The following ANK3 variants were observed in gnomAD, a reference collection of about 807,000 sequenced individuals.
ANK3 encodes the protein ankyrin 3.
In ANK3, 57 loss-of-function variants were observed where a neutral mutation model predicts 370.9. The observed-to-expected ratio is 0.15, with a 90% CI of 0.12 to 0.19. The LOEUF (loss-of-function observed/expected upper bound fraction) is 0.19. Ranked by LOEUF, ANK3 falls within the 10% of genes least tolerant of loss-of-function variation. The pLI, the probability that ANK3 is intolerant of heterozygous loss-of-function variation, is 1.00. For missense variants in ANK3, 4,439 were observed against 5,302.1 expected, an observed-to-expected ratio of 0.84 and a Z score of 5.06; for synonymous variants, 1,929 against 1,946.3, an observed-to-expected ratio of 0.99 and a Z score of 0.23.
At chr10:60,701,350 C>T (rs933734529) in intron 1 of ANK3, among the ~76,000 whole-genome samples, 1 of 151,836 alleles carries the variant, frequency 6.6e-6, no homozygotes, top group African/African-American at 2.4e-5. Context: ...GAGTGAAATA[C>T]TCATTTGCCC....
intron 1 of ANK3, among the ~76,000 whole-genome samples, chr10:60,366,406 T>C (rs965524643): frequency 3.3e-5 from 5 of 152,182 alleles, no homozygotes; most frequent in Non-Finnish European, 5.9e-5. Flanking sequence ...TCTCTGTTTT[T>C]ACCTTAGTGA....
intron 25 of ANK3, among the ~76,000 whole-genome samples, chr10:60,119,436 C>T (rs2093329073): frequency 6.6e-6 from 1 of 152,208 alleles, no homozygotes; most frequent in Admixed American, 6.5e-5. Flanking sequence ...AAAAACTTTG[C>T]CTCTATTTAA....
At chr10:60,443,133 T>C (rs1322322544) in intron 2 of ANK3, among the ~76,000 whole-genome samples, 1 of 152,220 alleles carries the variant, frequency 6.6e-6, no homozygotes, top group African/African-American at 2.4e-5. Flanking sequence ...TTTTCTGAGT[T>C]GACTGTTAAT....
chr10:60,212,541 G>A (rs2096873292), intron 9 of ANK3, among the ~76,000 whole-genome samples: 1 of 152,166 alleles, frequency 6.6e-6, no homozygotes, highest in South Asian at 2.1e-4. Flanking sequence ...CATCATGGCT[G>A]TTTAATTCTG....
At chr10:60,660,071 T>C (rs1452413576) in intron 1 of ANK3, among the ~76,000 whole-genome samples, 5 of 152,084 alleles carry the variant, frequency 3.3e-5, no homozygotes, top group Non-Finnish European at 7.4e-5. Flanking sequence ...CATAAGTATA[T>C]TTTTCCTTGT....
At chr10:60,698,183 A>G (rs1480020706) in intron 1 of ANK3, among the ~76,000 whole-genome samples, 2 of 151,726 alleles carry the variant, frequency 1.3e-5, no homozygotes, top group South Asian at 2.1e-4. Context: ...AGAGAAATGC[A>G]AATCAAAACC....
intron 2 of ANK3, among the ~76,000 whole-genome samples, chr10:60,509,229 G>T (rs1595172332): frequency 6.6e-6 from 1 of 151,980 alleles, no homozygotes; most frequent in Non-Finnish European, 1.5e-5. Flanking sequence ...AAATAGTGAA[G>T]CACCAAGGAC....
In ANK3 at chr10:60,290,708, T is replaced by A. The variant is rs1280470580; in HGVS notation, c.115-11069A>T. 2.6e-5 allele frequency among the ~76,000 whole-genome samples: 4 copies of A among 152,200 alleles called. No individual in the cohort carries two copies. The South Asian group carries it at 8.3e-4, about 31-fold the overall frequency. ...TAACACATGTTAGGCATGGTTAGCA[T>A]CTTTACACTGGGACCTGTGCCAGAA... On this transcript the variant is annotated intron_variant, in intron 1 of 43. Transcript: ENST00000280772.
At chr10:60,440,674 C>T (rs1023388679) in intron 2 of ANK3, among the ~76,000 whole-genome samples, 6 of 152,144 alleles carry the variant, frequency 3.9e-5, no homozygotes, top group East Asian at 1.9e-4. Flanking sequence ...GACTCCCACC[C>T]AAGGATTCAC....
At chr10:60,443,058 T>C (rs2064339336) in intron 2 of ANK3, among the ~76,000 whole-genome samples, 2 of 152,218 alleles carry the variant, frequency 1.3e-5, no homozygotes, top group Admixed American at 6.5e-5. Flanking sequence ...TGAATGCTTT[T>C]TTGGAGGAGG....
Position 60,068,988 on chromosome 10 carries a change from T to C in ANK3, c.11893A>G (p.Thr3965Ala), listed in dbSNP as rs1438020108. Residue 3965 changes from threonine (T) to alanine (A), a missense_variant, in exon 37 of 44, where the codon ACT becomes GCT. Thr to Ala is a moderately conservative substitution (Grantham distance 58). Around this residue, in one of 13 missense-constraint regions of ANK3, gnomAD observed 496 missense variants for 529.3 expected, o/e 0.94. Coordinates refer to ENST00000280772, the MANE Select transcript of ANK3 (RefSeq NM_020987.5). ...RSTCVTTTTT[T>A]ATTTTTTTTT... is the part of the protein sequence containing the mutation. ...GTGGTAGTGGTGGTGGTGGTGGCAG[T>C]GGTGGTGGTGGTAGTGACACAGGTG... 1 of 1,612,354 alleles carries C rather than the reference T, an allele frequency of 6.2e-7. No individual in the cohort carries two copies. The highest frequency in any genetic ancestry group is 2.2e-5 in the East Asian group (1 of 44,846).
chr10:60,535,006 G>A (rs1187759114), intron 2 of ANK3, among the ~76,000 whole-genome samples: 1 of 152,118 alleles, frequency 6.6e-6, no homozygotes, highest in African/African-American at 2.4e-5. Context: ...CATCACAGCT[G>A]GGTAAATATT....
intron 2 of ANK3, among the ~76,000 whole-genome samples, chr10:60,523,748 T>C (rs2076405560): frequency 6.6e-6 from 1 of 152,056 alleles, no homozygotes; most frequent in South Asian, 2.1e-4. Context: ...GTCCTTTGGG[T>C]ATATACCCAG....
At chr10:60,100,514 G>C (rs2091063044) in intron 28 of ANK3, among the ~76,000 whole-genome samples, 1 of 152,002 alleles carries the variant, frequency 6.6e-6, no homozygotes, top group African/African-American at 2.4e-5. Context: ...TATGTAGTCA[G>C]ACAGTAAATT....
At chr10:60,179,540 C>T (rs1193702992) in intron 18 of ANK3, among the ~76,000 whole-genome samples, 1 of 152,080 alleles carries the variant, frequency 6.6e-6, no homozygotes, top group Non-Finnish European at 1.5e-5. Flanking sequence ...GCTAAAAATA[C>T]AAAAATTAGC....
At chr10:60,608,640 T>A (rs918546088) in intron 2 of ANK3, among the ~76,000 whole-genome samples, 1 of 152,190 alleles carries the variant, frequency 6.6e-6, no homozygotes, top group Non-Finnish European at 1.5e-5. Flanking sequence ...CAAATACACA[T>A]GCACAATGTG....
intron 23 of ANK3, among the ~76,000 whole-genome samples, chr10:60,141,565 T>TTTG (rs1554993217): frequency 2.3e-5 from 1 of 43,994 alleles, no homozygotes; most frequent in Non-Finnish European, 5.4e-5. Context: ...ATTGCTGTTT[T>TTTG]TTTTTTTTTT....
chr10:60,543,244 G>A (rs1334192653), intron 2 of ANK3, among the ~76,000 whole-genome samples: 3 of 151,862 alleles, frequency 2.0e-5, no homozygotes, highest in Non-Finnish European at 4.4e-5. Flanking sequence ...GATACTCTGT[G>A]GAAATTTGGC....
At chr10:60,275,832 A>G (rs2098082847) in intron 4 of ANK3, among the ~76,000 whole-genome samples, 2 of 152,206 alleles carry the variant, frequency 1.3e-5, no homozygotes, top group African/African-American at 4.8e-5. Context: ...TTCAGTTGGT[A>G]TTTTATATTA....
Sources: allele counts gnomAD v4.1 joint callset (sites outside exome capture counted in the v4.1 genomes callset), GRCh38; gene constraint gnomAD v4.1.1; regional missense constraint gnomAD v4.1.1; transcripts MANE v1.5; gene names NCBI Gene and HGNC (gene_info 2026-07-23, HGNC 2026-07-21).